Variants in PPP2R2B observed in about 807,000 individuals in gnomAD.
PPP2R2B encodes protein phosphatase 2 regulatory subunit Bbeta.
In PPP2R2B, 5 loss-of-function variants were observed where a neutral mutation model predicts 46.0. That is an observed-to-expected ratio of 0.11 (90% CI 0.06 to 0.23). The LOEUF (loss-of-function observed/expected upper bound fraction) is 0.23, where lower values mean the gene tolerates loss of function less well. PPP2R2B is among the 10% of genes least tolerant of loss of function. PPP2R2B has a pLI of 1.00. For synonymous variants in PPP2R2B, 215 were observed against 206.7 expected (o/e 1.04, Z -0.34); for missense variants, 367 against 575.0 (o/e 0.64, Z 3.70).
intron 5 of PPP2R2B, among the ~76,000 whole-genome samples, chr5:146,683,679 G>A (rs187341641): frequency 5.4e-4 from 82 of 152,220 alleles, no homozygotes; most frequent in African/African-American, 1.9e-3. Context: ...GAGCAGAACA[G>A]AAACATCCCA....
chr5:146,719,050 C>T (rs1780647571), intron 2 of PPP2R2B, among the ~76,000 whole-genome samples: 1 of 152,222 alleles, frequency 6.6e-6, no homozygotes, highest in Non-Finnish European at 1.5e-5. Context: ...CCATTGAAAA[C>T]TATTTACTGA....
At chr5:146,772,735 T>C (rs2151272412) in intron 2 of PPP2R2B, among the ~76,000 whole-genome samples, 1 of 152,276 alleles carries the variant, frequency 6.6e-6, no homozygotes, top group Middle Eastern at 3.4e-3. Context: ...TCATCTGCTT[T>C]ATTTATTTAT....
intron 2 of PPP2R2B, among the ~76,000 whole-genome samples, chr5:146,746,300 T>A (rs1753186935): frequency 6.6e-6 from 1 of 152,128 alleles, no homozygotes. Context: ...CCACCTTGAC[T>A]AAACAACACC....
At chr5:146,848,773 G>A (rs1018068183) in intron 2 of PPP2R2B, among the ~76,000 whole-genome samples, 1 of 152,180 alleles carries the variant, frequency 6.6e-6, no homozygotes, top group Non-Finnish European at 1.5e-5. Flanking sequence ...GGCTTAGGGA[G>A]CTATGCCAAC....
chr5:146,825,230 C>T (rs1244154268), intron 2 of PPP2R2B, among the ~76,000 whole-genome samples: 2 of 152,158 alleles, frequency 1.3e-5, no homozygotes, highest in African/African-American at 2.4e-5. Flanking sequence ...CAGAGGGTTG[C>T]TGAGCTGTCC....
intron 2 of PPP2R2B, among the ~76,000 whole-genome samples, chr5:146,866,563 T>C (rs1012160266): frequency 1.3e-5 from 2 of 152,188 alleles, no homozygotes; most frequent in Non-Finnish European, 2.9e-5. Context: ...CAGCTCTAAT[T>C]ATACATACTT....
chr5:146,813,624 C>G (rs1399561254), intron 2 of PPP2R2B, among the ~76,000 whole-genome samples: 1 of 152,200 alleles, frequency 6.6e-6, no homozygotes, highest in East Asian at 1.9e-4. Context: ...AATAAAACAC[C>G]TCCTTTTTAA....
chr5:146,964,566 C>T (rs1008426849), intron 1 of PPP2R2B, among the ~76,000 whole-genome samples: 1 of 151,998 alleles, frequency 6.6e-6, no homozygotes, highest in Non-Finnish European at 1.5e-5. Context: ...TGCTCTGTCA[C>T]CCAGACTGGA....
chr5:146,983,613 T>C (rs1753289681), intron 1 of PPP2R2B, among the ~76,000 whole-genome samples: 1 of 152,234 alleles, frequency 6.6e-6, no homozygotes, highest in African/African-American at 2.4e-5. Flanking sequence ...TACCTCCCTT[T>C]ACACTAGTTT....
At chr5:146,996,775 T>C (rs1753941837) in intron 1 of PPP2R2B, among the ~76,000 whole-genome samples, 1 of 152,040 alleles carries the variant, frequency 6.6e-6, no homozygotes, top group African/African-American at 2.4e-5. Context: ...TGGGGCCCAG[T>C]GGATGGTGTC....
intron 1 of PPP2R2B, among the ~76,000 whole-genome samples, chr5:146,917,590 GA>G (rs1238002075): frequency 6.6e-6 from 1 of 152,210 alleles, no homozygotes; most frequent in Non-Finnish European, 1.5e-5. Context: ...GTTGGTTCTA[GA>G]ACCTAATTGA....
At chr5:146,617,721 G>C (rs1159749401) in intron 7 of PPP2R2B, among the ~76,000 whole-genome samples, 1 of 149,666 alleles carries the variant, frequency 6.7e-6, no homozygotes, top group East Asian at 2.0e-4. Context: ...TTGAAGCAGA[G>C]TCTCGCTCTG....
rs192411519 is a variant in PPP2R2B at position 146,952,088 on chromosome 5, T to A, written c.79+103577A>T. Among the ~76,000 whole-genome samples the A allele has an allele frequency of 3.5e-3, 528 of 152,004 alleles. 5 individuals carry two copies. The highest frequency in any genetic ancestry group is 0.012 in the African/African-American group (493 of 41,492). ...TGGCACTTTTGTAATGCTAAGATTC[T>A]ACAAATAAAATTCTACGTATATGAG... is the stretch of plus-strand genomic sequence containing the variant. On this transcript the variant is annotated intron_variant, in intron 1 of 8. Coordinates refer to the PPP2R2B transcript ENST00000336640.
chr5:147,012,854 G>T (rs1402404768), intron 1 of PPP2R2B, among the ~76,000 whole-genome samples: 2 of 151,968 alleles, frequency 1.3e-5, no homozygotes, highest in South Asian at 2.1e-4. Context: ...AGTCATTCAG[G>T]AGCAGGTTGT....
At chr5:146,645,298 G>A (rs921175976) in intron 6 of PPP2R2B, among the ~76,000 whole-genome samples, 33 of 152,122 alleles carry the variant, frequency 2.2e-4, no homozygotes, top group African/African-American at 6.5e-4. Context: ...AGGACATGTT[G>A]CTTGATGATG....
rs79306093 is a variant in PPP2R2B at position 146,726,499 on chromosome 5, G to A, written c.71-25357C>T. On this transcript the variant is annotated intron_variant, in intron 2 of 9. Transcript: ENST00000394411. ...CCATATTTATTGAACAACCCATTAG[G>A]CACACTTCTAAGCACCACATATGCA... Among the ~76,000 whole-genome samples the A allele has an allele frequency of 6.9e-3, 1,049 of 152,224 alleles. 18 individuals carry two copies. Among genetic ancestry groups the A allele is most frequent in the African/African-American group, 0.024 (991 of 41,530 alleles).
In PPP2R2B at chr5:146,587,858, T is replaced by A. The variant is rs1260715809; in HGVS notation, c.*2089A>T. The A allele has an allele frequency of 1.3e-5, 2 of 152,164 alleles. No homozygotes were observed. The highest frequency in any genetic ancestry group is 2.9e-5 in the Non-Finnish European group (2 of 68,032). The allele number at this position is 152,164 out of a possible 1,614,324, so 9.4% of individuals were successfully genotyped here. ...GTGACTTAAAAAAATGTTACATGAG[T>A]AATAGTACAAATGTGAGTTGATTCT... On this transcript the variant is annotated 3_prime_UTR_variant, in exon 10 of 10. Coordinates refer to ENST00000394411, the MANE Select transcript of PPP2R2B (RefSeq NM_181675.4).
chr5:146,800,917 TACACACACACACACAC>T (rs148564633), intron 2 of PPP2R2B, among the ~76,000 whole-genome samples: 7 of 145,338 alleles, frequency 4.8e-5, no homozygotes, highest in African/African-American at 1.3e-4. Context: ...TATGTGTACA[TACACACACACACACAC>T]ACACACACAC....
intron 2 of PPP2R2B, among the ~76,000 whole-genome samples, chr5:146,718,236 A>C (rs1197976662): frequency 6.6e-6 from 1 of 152,092 alleles, no homozygotes; most frequent in South Asian, 2.1e-4. Context: ...AAAAATACAA[A>C]GATTAGCCTG....
Sources: gnomAD v4.1 joint callset for allele counts (sites outside exome capture counted in the v4.1 genomes callset) on GRCh38, gnomAD v4.1.1 for gene constraint, MANE v1.5 for transcripts, NCBI Gene and HGNC (gene_info 2026-07-23, HGNC 2026-07-21) for gene names.